Variants in DLEC1 observed in about 807,000 individuals in gnomAD.
The protein encoded by DLEC1 is DLEC1 cilia and flagella associated protein.
In DLEC1, 146 loss-of-function variants were observed where a neutral mutation model predicts 198.1. The observed-to-expected ratio is 0.74, with a 90% confidence interval of 0.64 to 0.85. The LOEUF (loss-of-function observed/expected upper bound fraction) is 0.85. Ranked by LOEUF, DLEC1 falls within the 40% of genes least tolerant of loss-of-function variation. The pLI, the probability that DLEC1 is intolerant of heterozygous loss-of-function variation, is 0.00. For missense variants in DLEC1, 2,233 were observed against 2,220.0 expected (o/e 1.01, Z -0.12); for synonymous variants, 897 against 866.8 (o/e 1.03, Z -0.61).
intron 33 of DLEC1, 48 bp from the exon 34 acceptor site, chr3:38,120,400 C>T (rs1700385361): frequency 1.0e-5 from 16 of 1,606,114 alleles, no homozygotes; most frequent in Non-Finnish European, 1.4e-5. Flanking sequence ...GGGAAGTGGC[C>T]ACCTGCCCTC....
chr3:38,068,941 C>G (rs2886341), intron 6 of DLEC1, among the ~76,000 whole-genome samples: 53,676 of 151,892 alleles, frequency 0.35, 9,942 homozygotes, highest in East Asian at 0.56. Context: ...ATATTGGAAA[C>G]ATGGGGGATA....
At chr3:38,117,725 C>G (rs1700256435) in intron 32 of DLEC1, 81 bp from the exon 33 acceptor site, 2 of 1,590,394 alleles carry the variant, frequency 1.3e-6, no homozygotes, top group South Asian at 1.1e-5. Context: ...TCCCCCAGCC[C>G]TCCCAGCCCT....
At chr3:38,057,351 G>C (rs1696427472) in intron 2 of DLEC1, among the ~76,000 whole-genome samples, 2 of 152,214 alleles carry the variant, frequency 1.3e-5, no homozygotes, top group Non-Finnish European at 2.9e-5. Context: ...CATTAGCTGG[G>C]CGTGGTGGCA....
intron 7 of DLEC1, among the ~76,000 whole-genome samples, 198 bp downstream of exon 7, chr3:38,084,443 G>GTAGTGGTAATAGTA (rs1698277064): frequency 3.5e-4 from 1 of 2,844 alleles, no homozygotes; most frequent in Admixed American, 5.1e-3. Flanking sequence ...TAGTGGTGGT[G>GTAGTGGTAATAGTA]GTGGTGGTGG....
rs112026621 is a variant in DLEC1, at chr3:38,111,181, C to G, written c.3444-496C>G. 2.6e-3 allele frequency among the ~76,000 whole-genome samples: 393 copies of G among 152,236 alleles called. 4 individuals are homozygous for G. Among genetic ancestry groups the G allele is most frequent in the African/African-American group, 9.0e-3 (373 of 41,506 alleles). On this transcript the variant is annotated intron_variant, in intron 23 of 36. Coordinates refer to ENST00000308059, the MANE Select transcript of DLEC1 (RefSeq NM_007335.4). ...ACCTAATCTAGTGAAGCAAGAGGGC[C>G]CAACTTAGAAACCACGGCTATGGGT... is the stretch of plus-strand genomic sequence containing the variant.
chr3:38,091,416 A>T (rs1174784974), intron 10 of DLEC1, among the ~76,000 whole-genome samples: 1 of 152,188 alleles, frequency 6.6e-6, no homozygotes, highest in African/African-American at 2.4e-5. Context: ...GTGAGAAATG[A>T]TCACACCACT....
At chr3:38,047,492 A>G (rs1042113141) in intron 2 of DLEC1, among the ~76,000 whole-genome samples, 2 of 152,240 alleles carry the variant, frequency 1.3e-5, no homozygotes, top group African/African-American at 2.4e-5. Context: ...CAGAATGTTA[A>G]TAATGTTCTT....
chr3:38,073,156 C>T (rs549255377), intron 6 of DLEC1, among the ~76,000 whole-genome samples: 13 of 152,168 alleles, frequency 8.5e-5, no homozygotes, highest in Non-Finnish European at 1.5e-4. Flanking sequence ...TCTTTAAGAT[C>T]GAGAACAGAA....
rs1043465816 is a variant in DLEC1 at position 38,109,661 on chromosome 3, T to C, written c.3260+99T>C. The C allele has an allele frequency of 1.3e-5, 21 of 1,567,468 alleles. No individual in the cohort carries two copies. In the African/African-American group the frequency reaches 2.8e-4, roughly 21 times the overall value. On this transcript the variant is annotated intron_variant, in intron 22 of 36. Coordinates refer to ENST00000308059, the MANE Select transcript of DLEC1 (RefSeq NM_007335.4). ...GCACTGTGGTATCAGTCTGCGCCCA[T>C]CTGATTCCTGCAGGCAGGAAAACGC...
intron 13 of DLEC1, chr3:38,095,346 C>A (rs1160169881): frequency 1.2e-4 from 58 of 481,448 alleles, no homozygotes; most frequent in Non-Finnish European, 3.0e-5. Flanking sequence ...TCTACTATGG[C>A]AAAAAACATT....
intron 27 of DLEC1, 121 bp from the exon 28 acceptor site, chr3:38,116,332 C>T (rs1018113865): frequency 2.2e-6 from 2 of 900,882 alleles, no homozygotes; most frequent in African/African-American, 3.3e-5. Flanking sequence ...CAGAGAGGCA[C>T]CCCCTCCACC....
intron 1 of DLEC1, among the ~76,000 whole-genome samples, chr3:38,044,944 A>C (rs1288651139): frequency 1.3e-5 from 2 of 152,204 alleles, no homozygotes; most frequent in Non-Finnish European, 2.9e-5. Context: ...GAATGAAAGA[A>C]GGAGTGAGCC....
intron 19 of DLEC1, 25 bp downstream of exon 19, chr3:38,100,450 C>A (rs116260449): frequency 2.6e-4 from 414 of 1,592,610 alleles, no homozygotes; most frequent in South Asian, 3.4e-4. Context: ...GGAAGAGCCA[C>A]TACAACAAAC....
chr3:38,098,006 G>A, intron 18 of DLEC1, 104 bp downstream of exon 18: 2 of 1,456,654 alleles, frequency 1.4e-6, no homozygotes, highest in Admixed American at 2.1e-5. Context: ...CTTCGAGGCT[G>A]GTGGAGGAAA....
At position 38,086,230 on chromosome 3, in the gene DLEC1, T is replaced by C; in HGVS notation, c.1436-11T>C. 6.2e-7 allele frequency: 1 copy of C among 1,602,874 alleles called. No individual in the cohort carries two copies. The highest frequency in any genetic ancestry group is 8.5e-7 in the Non-Finnish European group (1 of 1,174,612). ...GTTGTTTCTCTTGCACATGTTCTCCTGTGGCTACAGTGTCACCGGTGTTGG... is the reference window on the plus strand; with the variant it reads ...GTTGTTTCTCTTGCACATGTTCTCCCGTGGCTACAGTGTCACCGGTGTTGG... On this transcript the variant is annotated splice_polypyrimidine_tract_variant and intron_variant, in intron 8 of 36. Coordinates refer to ENST00000308059, the MANE Select transcript of DLEC1 (RefSeq NM_007335.4).
At position 38,094,243 on chromosome 3, in the gene DLEC1, G is replaced by A. The variant is rs77715967; in HGVS notation, c.1919+476G>A. On this transcript the variant is annotated intron_variant, in intron 12 of 36. Coordinates refer to ENST00000308059, the MANE Select transcript of DLEC1 (RefSeq NM_007335.4). Reference sequence around the variant, plus strand: ...CTCCTTGCCATTTATTTCCTGACCCGCCTCTGAGCACTACCATGAAACCAG... The same window carrying A: ...CTCCTTGCCATTTATTTCCTGACCCACCTCTGAGCACTACCATGAAACCAG... 7.5e-3 allele frequency among the ~76,000 whole-genome samples: 1,145 copies of A among 152,202 alleles called. 15 individuals carry two copies. The highest frequency in any genetic ancestry group is 0.025 in the African/African-American group (1,058 of 41,516).
In DLEC1 at chr3:38,039,621, G is replaced by A; in HGVS notation, c.396G>A (p.Val132=). The change falls in exon 1 of 37, where the codon GTG becomes GTA. Residue 132 remains valine, a synonymous_variant. Coordinates refer to ENST00000308059, the MANE Select transcript of DLEC1 (RefSeq NM_007335.4). ...GSENERHEEF[V]DQLQQIRELY... ...AGAATGAGCGCCACGAGGAGTTCGT[G>A]GACCAGCTGCAGCAGGTAACGTGGC... 2 of 1,604,874 alleles carry A rather than the reference G, an allele frequency of 1.2e-6. No individual in the cohort carries two copies. The highest frequency in any genetic ancestry group is 1.7e-6 in the Non-Finnish European group (2 of 1,173,766).
At chr3:38,085,683 G>A (rs896945582) in intron 8 of DLEC1, among the ~76,000 whole-genome samples, 2 of 152,118 alleles carry the variant, frequency 1.3e-5, no homozygotes, top group African/African-American at 4.8e-5. Flanking sequence ...AGCAGGGGAT[G>A]AGGCCAACAG....
At chr3:38,120,683 G>GGAAA (rs1289016360) in intron 34 of DLEC1, 74 bp downstream of exon 34, 1 of 1,586,678 alleles carries the variant, frequency 6.3e-7, no homozygotes, top group East Asian at 2.2e-5. Flanking sequence ...GGCCAGAGGA[G>GGAAA]GAAAGACCTA....
Sources: allele counts gnomAD v4.1 joint callset (sites outside exome capture counted in the v4.1 genomes callset), GRCh38; gene constraint gnomAD v4.1.1; transcripts MANE v1.5; gene names NCBI Gene and HGNC (gene_info 2026-07-23, HGNC 2026-07-21).